CDC45: variants seen among roughly 807,000 people sequenced by gnomAD.
CDC45 encodes cell division control protein 45 homolog.
CDC45 carries 54 observed loss-of-function variants against 77.8 expected under a neutral mutation model. The observed-to-expected ratio is 0.69, with a 90% CI of 0.56 to 0.87. CDC45 has a LOEUF of 0.87. Ranked by LOEUF, CDC45 falls within the 40% of genes least tolerant of loss-of-function variation. The probability of loss-of-function intolerance (pLI) is 0.00; values close to 1 mark genes in which losing one functional copy is unlikely to be tolerated. For missense variants in CDC45, 649 were observed against 721.6 expected (o/e 0.90, Z 1.15); for synonymous variants, 260 against 272.1 (o/e 0.96, Z 0.44).
intron 5 of CDC45, among the ~76,000 whole-genome samples, chr22:19,493,232 T>C (rs5992407): frequency 1.6e-5 from 1 of 63,726 alleles, no homozygotes; most frequent in East Asian, 3.7e-4. Flanking sequence ...TGTGGGTTTT[T>C]TTTTTTGTTG....
intron 6 of CDC45, among the ~76,000 whole-genome samples, chr22:19,494,831 T>C (rs2090214299): frequency 1.3e-5 from 2 of 152,168 alleles, no homozygotes; most frequent in Admixed American, 6.5e-5. Flanking sequence ...CCAGCTGATG[T>C]TCCCCCTGTT....
intron 9 of CDC45, 132 bp from the exon 10 acceptor site, chr22:19,505,230 C>T (rs1053655058): frequency 2.0e-6 from 2 of 987,342 alleles, no homozygotes; most frequent in East Asian, 2.5e-5. Flanking sequence ...TGTCCTTAGT[C>T]CCTGCATGGG....
chr22:19,482,565 G>C, intron 3 of CDC45, 125 bp from the exon 4 acceptor site: 1 of 1,017,838 alleles, frequency 9.8e-7, no homozygotes. Context: ...GGAGTCCCTT[G>C]CCACGTGGGC....
chr22:19,494,101 T>A, intron 5 of CDC45, among the ~76,000 whole-genome samples: 1 of 152,154 alleles, frequency 6.6e-6, no homozygotes, highest in East Asian at 1.9e-4. Context: ...CTACTCTTTC[T>A]GCCCATGGTG....
Position 19,480,221 on chromosome 22 carries a change from A to C in CDC45, c.111+4A>C. ...GTGTGCGTGCAAGATCCTTCAGGTG[A>C]GTTCTGCGGACCCTAGGAGGGCGGG... On this transcript the variant is annotated splice_donor_region_variant and intron_variant, in intron 2 of 18. Coordinates refer to ENST00000263201, the MANE Select transcript of CDC45 (RefSeq NM_003504.5). 1 of 1,613,428 alleles carries C rather than the reference A, an allele frequency of 6.2e-7. No homozygotes were observed. Among genetic ancestry groups the C allele is most frequent in the Non-Finnish European group, 8.5e-7 (1 of 1,179,748 alleles).
At chr22:19,494,624 C>T (rs1209258343) in intron 6 of CDC45, 1 of 1,439,268 alleles carries the variant, frequency 6.9e-7, no homozygotes, top group East Asian at 2.5e-5. Context: ...CCATTAGAGA[C>T]CATGGCCCTG....
chr22:19,481,114 T>C (rs2089974691), intron 3 of CDC45, 69 bp downstream of exon 3: 3 of 975,278 alleles, frequency 3.1e-6, no homozygotes, highest in Non-Finnish European at 4.9e-6. Flanking sequence ...CAGCATTCTA[T>C]TTCCACGATA....
rs1048479261 is a variant in CDC45, at chr22:19,506,802, C to T, written c.825-584C>T. 5.3e-5 allele frequency among the ~76,000 whole-genome samples: 8 copies of T among 152,036 alleles called. No homozygotes were observed. The South Asian group carries it at 1.0e-3, about 20-fold the overall frequency. The stretch of plus-strand genomic sequence containing the variant: ...ACAAAAAATCAGCCAGGCATGGTGG[C>T]GGGTGCCTATAGTCCCAGCTATTCG... On this transcript the variant is annotated intron_variant, in intron 10 of 18. Transcript: ENST00000263201.
chr22:19,513,599 A>G (rs1211997855), intron 13 of CDC45, among the ~76,000 whole-genome samples: 1 of 152,104 alleles, frequency 6.6e-6, no homozygotes, highest in African/African-American at 2.4e-5. Context: ...CACTGTCCCC[A>G]TGGATGTCCA....
chr22:19,505,251 G>A, intron 9 of CDC45, 111 bp from the exon 10 acceptor site: 1 of 1,274,806 alleles, frequency 7.8e-7, no homozygotes. Context: ...AACAGCTCCT[G>A]TGGTGAGCAG....
At chr22:19,519,611 G>A (rs1933998807) in intron 18 of CDC45, among the ~76,000 whole-genome samples, 2 of 151,882 alleles carry the variant, frequency 1.3e-5, no homozygotes, top group African/African-American at 4.8e-5. Context: ...CCTGGAGGCT[G>A]CGGCTGTGGC....
chr22:19,492,115 A>G (rs979032906), intron 5 of CDC45, among the ~76,000 whole-genome samples: 1 of 152,214 alleles, frequency 6.6e-6, no homozygotes, highest in African/African-American at 2.4e-5. Flanking sequence ...CAGCAGGTTT[A>G]TGTCTTTTGC....
At chr22:19,481,929 C>T (rs996238136) in intron 3 of CDC45, among the ~76,000 whole-genome samples, 4 of 152,176 alleles carry the variant, frequency 2.6e-5, no homozygotes, top group African/African-American at 7.2e-5. Context: ...GCCTCAGCCT[C>T]CCAAAGTGCT....
At chr22:19,497,587 G>T in intron 8 of CDC45, 140 bp downstream of exon 8, 1 of 700,272 alleles carries the variant, frequency 1.4e-6, no homozygotes, top group Middle Eastern at 2.6e-4. Flanking sequence ...CTGGGTATGT[G>T]TGTGATTTTG....
intron 13 of CDC45, among the ~76,000 whole-genome samples, chr22:19,509,034 A>G (rs1368045063): frequency 5.9e-5 from 9 of 151,414 alleles, no homozygotes; most frequent in African/African-American, 1.9e-4. Flanking sequence ...CAATTTTTTA[A>G]TTTTCCAATT....
At chr22:19,488,543 C>T (rs1356567736) in intron 5 of CDC45, among the ~76,000 whole-genome samples, 2 of 152,224 alleles carry the variant, frequency 1.3e-5, no homozygotes, top group South Asian at 2.1e-4. Flanking sequence ...CTCTCCCGAC[C>T]AGCCTTGGAG....
chr22:19,492,656 A>G (rs2090170778), intron 5 of CDC45, among the ~76,000 whole-genome samples: 1 of 152,208 alleles, frequency 6.6e-6, no homozygotes, highest in Non-Finnish European at 1.5e-5. Context: ...AGTTCTTGGT[A>G]TGATGAGTAA....
intron 9 of CDC45, among the ~76,000 whole-genome samples, chr22:19,499,905 G>T (rs1365539379): frequency 6.6e-6 from 1 of 152,160 alleles, no homozygotes; most frequent in African/African-American, 2.4e-5. Context: ...CTCCAATTGG[G>T]TGCTGGTCTC....
At position 19,483,260 on chromosome 22, in the gene CDC45, G is replaced by A. The variant is rs544796700; in HGVS notation, c.342+433G>A. The stretch of plus-strand genomic sequence containing the variant: ...ATCCTGGCTAACATGGTGAAACCCC[G>A]TCTCTACTAAAAATACAAAAAATTA... On this transcript the variant is annotated intron_variant, in intron 4 of 18. Coordinates refer to ENST00000263201, the MANE Select transcript of CDC45 (RefSeq NM_003504.5). Among the ~76,000 whole-genome samples, 56 of 152,204 alleles carry A rather than the reference G, an allele frequency of 3.7e-4. 1 individual carries two copies. The highest frequency in any genetic ancestry group is 1.8e-3 in the Admixed American group (28 of 15,294).
Sources: allele counts gnomAD v4.1 joint callset (sites outside exome capture counted in the v4.1 genomes callset), GRCh38; gene constraint gnomAD v4.1.1; transcripts MANE v1.5; gene names NCBI Gene and HGNC (gene_info 2026-07-23, HGNC 2026-07-21).